The following TDRP variants were observed in gnomAD, a reference collection of about 807,000 sequenced individuals.
TDRP encodes the protein testis development-related protein.
Under a neutral mutation model 10.5 loss-of-function variants are expected in TDRP, and 12 were observed. The ratio of observed to expected loss-of-function variants is 1.15; its 90% CI spans 0.73 to 1.86. The LOEUF (loss-of-function observed/expected upper bound fraction) is 1.86, where lower values mean the gene tolerates loss of function less well. TDRP is among the 40% of genes most tolerant of loss of function. TDRP has a pLI of 0.00. For synonymous variants in TDRP, 139 were observed against 95.4 expected (o/e 1.46, Z -2.67); for missense variants, 353 against 229.2 (o/e 1.54, Z -3.49).
At chr8:500,127 G>C (rs984915107) in intron 1 of TDRP, among the ~76,000 whole-genome samples, 1 of 152,274 alleles carries the variant, frequency 6.6e-6, no homozygotes, top group East Asian at 1.9e-4. Flanking sequence ...CAAGAAGTTA[G>C]GCCACAGAAA....
chr8:523,783 A>C (rs556335363), intron 1 of TDRP, among the ~76,000 whole-genome samples: 1 of 152,246 alleles, frequency 6.6e-6, no homozygotes, highest in African/African-American at 2.4e-5. Context: ...CTGCAGTAGA[A>C]TAGAGCACCA....
At chr8:544,930 G>A, upstream of TDRP, 1 of 344,244 alleles carries the variant, frequency 2.9e-6, no homozygotes, top group East Asian at 4.4e-5. Flanking sequence ...TCCCCACCAG[G>A]CCCGCCCCAA....
chr8:506,632 C>G (rs76096112), intron 1 of TDRP, among the ~76,000 whole-genome samples: 21 of 152,312 alleles, frequency 1.4e-4, no homozygotes, highest in African/African-American at 4.6e-4. Flanking sequence ...CAAGCTGATA[C>G]GACTCCCCAC....
intron 1 of TDRP, among the ~76,000 whole-genome samples, chr8:511,608 G>C (rs1801620160): frequency 6.6e-6 from 1 of 152,162 alleles, no homozygotes; most frequent in Non-Finnish European, 1.5e-5. Context: ...AGACCTAACA[G>C]ATAGTTACAG....
chr8:497,388 T>C (rs1160240075), intron 1 of TDRP, among the ~76,000 whole-genome samples: 1 of 152,218 alleles, frequency 6.6e-6, no homozygotes, highest in Non-Finnish European at 1.5e-5. Context: ...GCCCAAGAGA[T>C]ATGTGGAACC....
intron 1 of TDRP, among the ~76,000 whole-genome samples, chr8:524,206 C>G (rs1442194723): frequency 6.6e-6 from 1 of 152,200 alleles, no homozygotes; most frequent in Non-Finnish European, 1.5e-5. Context: ...GTTGGTATGT[C>G]TACAGGTCTG....
chr8:524,065 T>A (rs1485657962), intron 1 of TDRP, among the ~76,000 whole-genome samples: 1 of 152,222 alleles, frequency 6.6e-6, no homozygotes, highest in Non-Finnish European at 1.5e-5. Context: ...AGAGTGCTTG[T>A]GTCACCCCTC....
intron 1 of TDRP, among the ~76,000 whole-genome samples, chr8:514,864 G>A (rs1801715920): frequency 6.6e-6 from 1 of 152,102 alleles, no homozygotes; most frequent in East Asian, 1.9e-4. Flanking sequence ...GCACCAACAG[G>A]CAGGAGAGTT....
At chr8:516,738 A>ACGGT (rs1427821002) in intron 1 of TDRP, among the ~76,000 whole-genome samples, 1 of 152,220 alleles carries the variant, frequency 6.6e-6, no homozygotes, top group African/African-American at 2.4e-5. Context: ...GCCGGCAATC[A>ACGGT]CGGTTCTATT....
intron 1 of TDRP, among the ~76,000 whole-genome samples, chr8:498,421 T>C (rs772597790): frequency 2.6e-5 from 4 of 152,196 alleles, no homozygotes; most frequent in African/African-American, 9.6e-5. Flanking sequence ...TGTAGCCCCT[T>C]GGTTTTGGCC....
intron 1 of TDRP, among the ~76,000 whole-genome samples, chr8:526,362 G>A (rs187165153): frequency 2.0e-4 from 31 of 152,236 alleles, no homozygotes; most frequent in Admixed American, 1.7e-3. Flanking sequence ...TGTTGCATAT[G>A]GCTATTATTA....
At chr8:493,113 T>C (rs560500458) in intron 2 of TDRP, among the ~76,000 whole-genome samples, 1 of 152,304 alleles carries the variant, frequency 6.6e-6, no homozygotes, top group Non-Finnish European at 1.5e-5. Context: ...GGGAAATCTA[T>C]TCAATTTATC....
At chr8:522,692 C>T (rs529424883) in intron 1 of TDRP, among the ~76,000 whole-genome samples, 2 of 152,136 alleles carry the variant, frequency 1.3e-5, no homozygotes, top group Non-Finnish European at 2.9e-5. Context: ...GATGTTAATC[C>T]GACTGACTCG....
intron 1 of TDRP, among the ~76,000 whole-genome samples, chr8:530,913 A>G (rs918671738): frequency 1.3e-5 from 2 of 152,156 alleles, no homozygotes; most frequent in African/African-American, 2.4e-5. Flanking sequence ...CCCGACCTCC[A>G]TCCGCAGCAC....
intron 1 of TDRP, among the ~76,000 whole-genome samples, chr8:515,602 T>G (rs959740757): frequency 6.6e-6 from 1 of 152,204 alleles, no homozygotes; most frequent in African/African-American, 2.4e-5. Flanking sequence ...CAACCTGTAC[T>G]ATCAAAATAA....
chr8:529,587 G>A (rs1802130500), intron 1 of TDRP, among the ~76,000 whole-genome samples: 1 of 151,658 alleles, frequency 6.6e-6, no homozygotes, highest in Admixed American at 6.6e-5. Flanking sequence ...TTGGTTATCT[G>A]GGAAGGTCTT....
intron 1 of TDRP, among the ~76,000 whole-genome samples, chr8:517,058 G>T (rs1388239297): frequency 6.6e-6 from 1 of 152,166 alleles, no homozygotes; most frequent in Admixed American, 6.5e-5. Flanking sequence ...AGTTCAGGCC[G>T]TGATGGGAAG....
Position 490,993 on chromosome 8 carries a change from C to A in TDRP, c.*1406G>T, listed in dbSNP as rs951022774. On this transcript the variant is annotated 3_prime_UTR_variant, in exon 3 of 3. Transcript: ENST00000324079. Reference sequence around the variant, plus strand: ...GATTGATAGGTATAAGTGATTGACACAGATTATAGATTTAGCTAGATGGAT... The same window carrying A: ...GATTGATAGGTATAAGTGATTGACAAAGATTATAGATTTAGCTAGATGGAT... The A allele has an allele frequency of 6.6e-6, 1 of 152,178 alleles. No homozygotes were observed. The highest frequency in any genetic ancestry group is 2.4e-5 in the African/African-American group (1 of 41,446). The allele number at this position is 152,178 out of a possible 1,614,324, so 9.4% of individuals were successfully genotyped here.
At chr8:512,948 G>A (rs1801657185) in intron 1 of TDRP, among the ~76,000 whole-genome samples, 1 of 144,232 alleles carries the variant, frequency 6.9e-6, no homozygotes. Flanking sequence ...CTCCAGCCTG[G>A]GTGACAGAGC....
Sources: allele counts gnomAD v4.1 joint callset (sites outside exome capture counted in the v4.1 genomes callset), GRCh38; gene constraint gnomAD v4.1.1; transcripts MANE v1.5; gene names NCBI Gene and HGNC (gene_info 2026-07-23, HGNC 2026-07-21).